GALNT7: variants seen among roughly 807,000 people sequenced by gnomAD.
GALNT7 encodes the protein polypeptide N-acetylgalactosaminyltransferase 7.
GALNT7 carries 60 observed loss-of-function variants against 82.1 expected under a neutral mutation model. That is an observed-to-expected ratio of 0.73 (90% CI 0.59 to 0.91). The LOEUF is 0.91. GALNT7 is among the 40% of genes least tolerant of loss of function. The pLI is 0.00. For missense variants in GALNT7, 660 were observed against 804.2 expected (o/e 0.82, Z 2.17); for synonymous variants, 243 against 275.1 (o/e 0.88, Z 1.15).
At chr4:173,285,521 C>A (rs1278665111) in intron 2 of GALNT7, among the ~76,000 whole-genome samples, 1 of 152,204 alleles carries the variant, frequency 6.6e-6, no homozygotes, top group East Asian at 1.9e-4. Flanking sequence ...CATTTTTACA[C>A]CTTGAAGACG....
intron 1 of GALNT7, among the ~76,000 whole-genome samples, chr4:173,177,479 G>A (rs541202700): frequency 6.6e-6 from 1 of 152,288 alleles, no homozygotes; most frequent in East Asian, 1.9e-4. Context: ...GTAAGTTAAA[G>A]GAGCCTGTGT....
chr4:173,210,653 G>C (rs1733250986), intron 1 of GALNT7, among the ~76,000 whole-genome samples: 1 of 151,986 alleles, frequency 6.6e-6, no homozygotes, highest in Non-Finnish European at 1.5e-5. Flanking sequence ...AGCTGGTCTG[G>C]AACTCTGGGC....
Position 173,235,256 on chromosome 4 carries a change from T to C in GALNT7, c.127-12724T>C, listed in dbSNP as rs531820950. ...CCCTTCCAAGGTACATTAAAGCTAT[T>C]AACTCACTTTTTACTGCTCTCAGAT... On this transcript the variant is annotated intron_variant, in intron 1 of 11. Transcript: ENST00000265000. Among the ~76,000 whole-genome samples, 58 of 152,332 alleles carry C rather than the reference T, an allele frequency of 3.8e-4. No individual in the cohort carries two copies. The South Asian group carries it at 0.011, about 29-fold the overall frequency.
intron 1 of GALNT7, among the ~76,000 whole-genome samples, chr4:173,230,421 A>G (rs1192636105): frequency 6.6e-6 from 1 of 152,200 alleles, no homozygotes; most frequent in Non-Finnish European, 1.5e-5. Flanking sequence ...TATTGTGAAC[A>G]TGGTTATGGT....
chr4:173,199,190 A>G (rs1732868916), intron 1 of GALNT7, among the ~76,000 whole-genome samples: 1 of 152,224 alleles, frequency 6.6e-6, no homozygotes, highest in South Asian at 2.1e-4. Context: ...ACATTTAAAG[A>G]GTAGAGTAGT....
chr4:173,204,418 C>T (rs985936465), intron 1 of GALNT7, among the ~76,000 whole-genome samples: 2 of 152,156 alleles, frequency 1.3e-5, no homozygotes, highest in Non-Finnish European at 2.9e-5. Context: ...TTTAAATAAG[C>T]TTACTGAGCC....
chr4:173,246,881 G>A (rs989813745), intron 1 of GALNT7, among the ~76,000 whole-genome samples: 2 of 152,090 alleles, frequency 1.3e-5, no homozygotes, highest in African/African-American at 2.4e-5. Flanking sequence ...GGAAGTGGCA[G>A]ACCCATCAGC....
intron 9 of GALNT7, among the ~76,000 whole-genome samples, chr4:173,315,567 C>T (rs924749458): frequency 1.8e-4 from 28 of 152,146 alleles, no homozygotes; most frequent in Admixed American, 1.4e-3. Flanking sequence ...CCGTCAGAAA[C>T]GCCAGCATTT....
At position 173,229,427 on chromosome 4, in the gene GALNT7, C is replaced by CA. The variant is rs563679243; in HGVS notation, c.127-18550dup. Among the ~76,000 whole-genome samples the CA allele has an allele frequency of 2.0e-3, 310 of 152,196 alleles. 1 individual carries two copies. The highest frequency in any genetic ancestry group is 7.2e-3 in the African/African-American group (297 of 41,526). The stretch of plus-strand genomic sequence containing the variant: ...TTTGTTTTAGCATTTAAATAGTCTA[C>CA]AAAGATAACTATCAATTTATTTAGC... On this transcript the variant is annotated intron_variant, in intron 1 of 11. Coordinates refer to ENST00000265000, the MANE Select transcript of GALNT7 (RefSeq NM_017423.3).
rs985683196 is a variant in GALNT7 at position 173,320,687 on chromosome 4, A to G, written c.1837-893A>G. On this transcript the variant is annotated intron_variant, in intron 11 of 11. Transcript: ENST00000265000. The surrounding 1 kb of genome is among the most constrained non-coding windows in gnomAD (Gnocchi z 4.1). ...CACCACAACTTAATAATTAAGTGGT[A>G]GTTTCTTAAAAGTTATTTCCAGTGT... 2.6e-5 allele frequency among the ~76,000 whole-genome samples: 4 copies of G among 152,160 alleles called. No homozygotes were observed. In the South Asian group the frequency reaches 6.2e-4, roughly 24 times the overall value.
At chr4:173,220,356 A>G (rs555250370) in intron 1 of GALNT7, among the ~76,000 whole-genome samples, 3 of 152,174 alleles carry the variant, frequency 2.0e-5, no homozygotes, top group African/African-American at 7.2e-5. Flanking sequence ...CTATATGCCT[A>G]TTTTTATACC....
At chr4:173,223,155 T>A (rs939676158) in intron 1 of GALNT7, among the ~76,000 whole-genome samples, 8 of 152,142 alleles carry the variant, frequency 5.3e-5, no homozygotes, top group Admixed American at 5.2e-4. Flanking sequence ...GATAAGTGAG[T>A]GCAAGAATTA....
intron 1 of GALNT7, among the ~76,000 whole-genome samples, chr4:173,169,879 C>T (rs1030857364): frequency 6.6e-6 from 1 of 152,030 alleles, no homozygotes; most frequent in Admixed American, 6.6e-5. Context: ...CGCCGGCTGC[C>T]GGCTAGCTCA....
At chr4:173,205,715 G>A (rs1733067982) in intron 1 of GALNT7, among the ~76,000 whole-genome samples, 1 of 152,132 alleles carries the variant, frequency 6.6e-6, no homozygotes, top group Non-Finnish European at 1.5e-5. Flanking sequence ...GTCTGGGGCT[G>A]TGTAGGGCAA....
Position 173,298,296 on chromosome 4 carries a change from C to T in GALNT7, c.1147C>T (p.Arg383Trp), listed in dbSNP as rs766285274. The change falls in exon 6 of 12, where the codon CGG (arginine) becomes TGG (tryptophan). Residue 383 changes from arginine to tryptophan, a missense_variant and splice_region_variant. Around this residue, in one of 2 missense-constraint regions of GALNT7, gnomAD observed 527 missense variants for 683.5 expected, o/e 0.77. Transcript: ENST00000265000. The stretch of plus-strand genomic sequence containing the variant: ...GAGAAAGACAAAAACTGAACCGTAT[C>T]GGTAATCACTAAATCACTTACATAT... Reference protein sequence around the residue: ...RLRKTKTEPYRSPAMAGGLFA... With the variant: ...RLRKTKTEPYWSPAMAGGLFA... 9 of 1,550,966 alleles carry T rather than the reference C, an allele frequency of 5.8e-6. No homozygotes were observed. The highest frequency in any genetic ancestry group is 1.4e-5 in the African/African-American group (1 of 72,204).
chr4:173,212,950 GT>G (rs901568329), intron 1 of GALNT7, among the ~76,000 whole-genome samples: 1 of 151,646 alleles, frequency 6.6e-6, no homozygotes, highest in Admixed American at 6.6e-5. Flanking sequence ...CCACAACCTT[GT>G]TTCTCTCTTT....
intron 2 of GALNT7, among the ~76,000 whole-genome samples, chr4:173,258,571 C>G (rs532244651): frequency 2.0e-5 from 3 of 152,296 alleles, no homozygotes; most frequent in African/African-American, 7.2e-5. Context: ...ATCACTGTCC[C>G]TGTGTTACAC....
At chr4:173,228,729 G>A (rs531038262) in intron 1 of GALNT7, among the ~76,000 whole-genome samples, 22 of 152,022 alleles carry the variant, frequency 1.4e-4, no homozygotes, top group Middle Eastern at 6.8e-3. Flanking sequence ...TTTTTTCCCC[G>A]CCTAGGAGGG....
intron 2 of GALNT7, among the ~76,000 whole-genome samples, chr4:173,275,530 T>C (rs1427047204): frequency 2.0e-5 from 3 of 152,146 alleles, no homozygotes; most frequent in Non-Finnish European, 1.5e-5. Context: ...CCACAAGTGG[T>C]CTGGCAGATC....
Sources: allele counts gnomAD v4.1 joint callset (sites outside exome capture counted in the v4.1 genomes callset), GRCh38; gene constraint gnomAD v4.1.1; regional missense constraint gnomAD v4.1.1; non-coding constraint Gnocchi (gnomAD v3.1); transcripts MANE v1.5; gene names NCBI Gene and HGNC (gene_info 2026-07-23, HGNC 2026-07-21).